SLC44A1: variants seen among roughly 807,000 people sequenced by gnomAD.
SLC44A1 encodes choline transporter-like protein 1.
A neutral mutation model predicts 79.3 loss-of-function variants in SLC44A1; 26 were observed. The ratio of observed to expected loss-of-function variants is 0.33; its 90% CI spans 0.24 to 0.46. The LOEUF is 0.46. SLC44A1 is among the 20% of genes least tolerant of loss of function. SLC44A1 has a pLI of 1.00. For missense variants in SLC44A1, 688 were observed against 798.1 expected (o/e 0.86, Z 1.66); for synonymous variants, 263 against 286.2 (o/e 0.92, Z 0.82).
Position 105,364,717 on chromosome 9 carries a change from C to T in SLC44A1, c.1250C>T (p.Thr417Ile), listed in dbSNP as rs1361653731. Residue 417 changes from threonine to isoleucine, a missense_variant, in exon 10 of 16, where the codon ACT (threonine) becomes ATT (isoleucine). By Grantham distance (89) the Thr-to-Ile change is moderately conservative. Coordinates refer to ENST00000374720, the MANE Select transcript of SLC44A1 (RefSeq NM_080546.5). ...VAGAVVTYYF[T>I]RDKRNLPFTP... ...GGAGCTGTGGTAACATACTATTTTA[C>T]TAGGTAAGAATATGTTGTTATTAGA... is the stretch of plus-strand genomic sequence containing the variant. 6.2e-7 allele frequency: 1 copy of T among 1,611,480 alleles called. No individual in the cohort carries two copies. The highest frequency in any genetic ancestry group is 1.7e-5 in the Admixed American group (1 of 59,814).
chr9:105,276,125 C>T (rs985327432), intron 1 of SLC44A1, among the ~76,000 whole-genome samples: 1 of 152,126 alleles, frequency 6.6e-6, no homozygotes, highest in African/African-American at 2.4e-5. Context: ...ATCTTAGAGT[C>T]ACCAGGGCGT....
intron 3 of SLC44A1, among the ~76,000 whole-genome samples, chr9:105,330,454 A>G (rs1826714752): frequency 6.6e-6 from 1 of 152,326 alleles, no homozygotes; most frequent in South Asian, 2.1e-4. Context: ...ACCTTCTCCT[A>G]TCTTCAGTAA....
intron 4 of SLC44A1, among the ~76,000 whole-genome samples, chr9:105,345,623 C>G (rs1479959580): frequency 6.6e-6 from 1 of 151,566 alleles, no homozygotes; most frequent in Non-Finnish European, 1.5e-5. Context: ...GGAAACATAC[C>G]TCTTAGGGGA....
At chr9:105,419,947 A>G (rs1161296069) in intron 15 of SLC44A1, among the ~76,000 whole-genome samples, 24 of 150,670 alleles carry the variant, frequency 1.6e-4, no homozygotes, top group Non-Finnish European at 1.5e-5. Flanking sequence ...AGAAGGCAAT[A>G]TGTTTCCATG....
At chr9:105,413,393 C>T (rs1829123325) in intron 15 of SLC44A1, among the ~76,000 whole-genome samples, 2 of 152,178 alleles carry the variant, frequency 1.3e-5, no homozygotes, top group South Asian at 2.1e-4. Flanking sequence ...AAAATTTCGC[C>T]TTCCCAATAT....
intron 15 of SLC44A1, 125 bp from the exon 16 acceptor site, chr9:105,388,908 G>A: frequency 1.4e-6 from 1 of 726,270 alleles, no homozygotes; most frequent in Non-Finnish European, 2.5e-6. Flanking sequence ...ATTCAGGGGA[G>A]AAGGATTCTC....
intron 15 of SLC44A1, among the ~76,000 whole-genome samples, chr9:105,421,355 C>T (rs1829246186): frequency 6.6e-6 from 1 of 152,124 alleles, no homozygotes; most frequent in African/African-American, 2.4e-5. Context: ...AATCATGAGA[C>T]AGAGAGTGGT....
rs1828760571 is a variant in SLC44A1 at position 105,391,436 on chromosome 9, A to G, written c.*2380A>G. The G allele has an allele frequency of 1.0e-6, 1 of 985,534 alleles. No homozygotes were observed. The highest frequency in any genetic ancestry group is 1.2e-6 in the Non-Finnish European group (1 of 829,618). The allele number at this position is 985,534 out of a possible 1,614,324, so 61.0% of individuals were successfully genotyped here. A position where few individuals can be genotyped will look rare whatever the true frequency, so the allele number is the denominator to read the frequency against. On this transcript the variant is annotated 3_prime_UTR_variant, in exon 16 of 16. Coordinates refer to ENST00000374720, the MANE Select transcript of SLC44A1 (RefSeq NM_080546.5). Reference sequence around the variant, plus strand: ...TAGAAATTATAATCTATGTGTAACCATGTCATTTGAGTTGCAAATTAATTG... The same window carrying G: ...TAGAAATTATAATCTATGTGTAACCGTGTCATTTGAGTTGCAAATTAATTG...
chr9:105,374,959 A>C (rs910680001), intron 13 of SLC44A1, among the ~76,000 whole-genome samples: 1 of 152,134 alleles, frequency 6.6e-6, no homozygotes, highest in Admixed American at 6.5e-5. Context: ...TATTATCCTC[A>C]TTTTACAGAG....
Position 105,392,868 on chromosome 9 carries a change from C to T in SLC44A1, c.*3812C>T, listed in dbSNP as rs1024581509. ...AAATTGGACTTTCCAATAGCCTTAA[C>T]ATGGCCTCTGAGAAGTTTCCTCCAG... On this transcript the variant is annotated 3_prime_UTR_variant, in exon 16 of 16. Transcript: ENST00000374720. The T allele has an allele frequency of 8.1e-6, 8 of 985,192 alleles. No individual in the cohort carries two copies. The highest frequency in any genetic ancestry group is 3.5e-5 in the African/African-American group (2 of 57,222). 61.0% of individuals were successfully genotyped at this position (985,192 alleles called of 1,614,324 possible).
intron 1 of SLC44A1, among the ~76,000 whole-genome samples, chr9:105,252,830 T>C (rs888270030): frequency 2.6e-5 from 4 of 152,270 alleles, no homozygotes; most frequent in Non-Finnish European, 5.9e-5. Flanking sequence ...ACTTTTTGTT[T>C]TCTAATTTAT....
intron 15 of SLC44A1, among the ~76,000 whole-genome samples, chr9:105,414,225 C>A (rs1326834673): frequency 6.6e-6 from 1 of 152,016 alleles, no homozygotes; most frequent in Non-Finnish European, 1.5e-5. Context: ...CCATGCCTGG[C>A]TAATTTTTTG....
rs1828885714 is a variant in SLC44A1 at position 105,396,785 on chromosome 9, T to C, written c.*7729T>C. The C allele has an allele frequency of 1.0e-6, 1 of 985,164 alleles. No homozygotes were observed. Among genetic ancestry groups the C allele is most frequent in the African/African-American group, 1.7e-5 (1 of 57,208 alleles). The allele number at this position is 985,164 out of a possible 1,614,324, so 61.0% of individuals were successfully genotyped here. ...CCAAAATGAATTTTTGTATCTTGTC[T>C]TGTCTTTGTCCATTATAAACTGGAG... On this transcript the variant is annotated 3_prime_UTR_variant, in exon 16 of 16. Transcript: ENST00000374720.
In SLC44A1 at chr9:105,393,458, A is replaced by C; in HGVS notation, c.*4402A>C. 4 of 983,168 alleles carry C rather than the reference A, an allele frequency of 4.1e-6. No individual in the cohort carries two copies. The highest frequency in any genetic ancestry group is 4.8e-6 in the Non-Finnish European group (4 of 827,832). The allele number at this position is 983,168 out of a possible 1,614,324, so 60.9% of individuals were successfully genotyped here. A position where few individuals can be genotyped will look rare whatever the true frequency, so the allele number is the denominator to read the frequency against. On this transcript the variant is annotated 3_prime_UTR_variant, in exon 16 of 16. Coordinates refer to ENST00000374720, the MANE Select transcript of SLC44A1 (RefSeq NM_080546.5). ...TTAGAATAGCACACTTTTTCCATTCAGATTTCATACATTTGAGCCAAATTC... is the reference window on the plus strand; with the variant it reads ...TTAGAATAGCACACTTTTTCCATTCCGATTTCATACATTTGAGCCAAATTC...
chr9:105,246,863 C>T (rs1330644803), intron 1 of SLC44A1, among the ~76,000 whole-genome samples: 2 of 152,218 alleles, frequency 1.3e-5, no homozygotes, highest in Admixed American at 6.5e-5. Flanking sequence ...CCACGTCATA[C>T]TTTTCAGAAT....
chr9:105,278,868 A>G (rs182880246), intron 1 of SLC44A1, among the ~76,000 whole-genome samples: 24 of 152,300 alleles, frequency 1.6e-4, no homozygotes, highest in Non-Finnish European at 3.1e-4. Flanking sequence ...TAATCATGAG[A>G]AAACTTGTCT....
chr9:105,256,686 C>T (rs1212148049), intron 1 of SLC44A1, among the ~76,000 whole-genome samples: 2 of 151,434 alleles, frequency 1.3e-5, no homozygotes, highest in Admixed American at 1.3e-4. Flanking sequence ...GTTGAGCTTC[C>T]CAAGTAGCTG....
chr9:105,260,156 G>A (rs540503595), intron 1 of SLC44A1, among the ~76,000 whole-genome samples: 115 of 152,278 alleles, frequency 7.6e-4, no homozygotes, highest in Middle Eastern at 3.4e-3. Flanking sequence ...GGGTTCTGAG[G>A]TCAGAAAAGT....
chr9:105,377,998 A>G (rs1828346991), intron 13 of SLC44A1, among the ~76,000 whole-genome samples: 1 of 152,214 alleles, frequency 6.6e-6, no homozygotes, highest in Non-Finnish European at 1.5e-5. Context: ...CCATAATCCC[A>G]ACACTTTGGG....
Sources: allele counts gnomAD v4.1 joint callset (sites outside exome capture counted in the v4.1 genomes callset), GRCh38; gene constraint gnomAD v4.1.1; transcripts MANE v1.5; gene names NCBI Gene and HGNC (gene_info 2026-07-23, HGNC 2026-07-21).